The following OGA variants were observed in gnomAD, a reference collection of about 807,000 sequenced individuals.
OGA encodes O-GlcNAcase, also known as protein O-GlcNAcase.
A neutral mutation model predicts 102.0 loss-of-function variants in OGA; 21 were observed. That is an observed-to-expected ratio of 0.21 (90% CI 0.15 to 0.30). OGA has a LOEUF of 0.30. OGA is among the 10% of genes least tolerant of loss of function. The probability of loss-of-function intolerance (pLI) is 1.00; values close to 1 mark genes in which losing one functional copy is unlikely to be tolerated. For missense variants in OGA, 765 were observed against 1,107.8 expected, an observed-to-expected ratio of 0.69 and a Z score of 4.39; for synonymous variants, 408 against 378.2, an observed-to-expected ratio of 1.08 and a Z score of -0.91.
Position 101,785,230 on chromosome 10 carries a change from C to A in OGA, c.*1221G>T, listed in dbSNP as rs1164487432. 1 of 152,198 alleles carries A rather than the reference C, an allele frequency of 6.6e-6. No homozygotes were observed. Among genetic ancestry groups the A allele is most frequent in the African/African-American group, 2.4e-5 (1 of 41,440 alleles). 9.4% of individuals were successfully genotyped at this position (152,198 alleles called of 1,614,324 possible). ...GCTTCATGCTCAGAACCCTTAAAAACACAGAATCTAAATTAAAATACATGA... is the reference window on the plus strand; with the variant it reads ...GCTTCATGCTCAGAACCCTTAAAAAAACAGAATCTAAATTAAAATACATGA... On this transcript the variant is annotated 3_prime_UTR_variant, in exon 16 of 16. Coordinates refer to ENST00000361464, the MANE Select transcript of OGA (RefSeq NM_012215.5).
Position 101,798,105 on chromosome 10 carries a change from A to G in OGA, c.1859T>C (p.Leu620Pro). 1 of 1,614,150 alleles carries G rather than the reference A, an allele frequency of 6.2e-7. No individual in the cohort carries two copies. The part of the protein sequence containing the change: ...RAAKFEEMCG[L>P]VMGMFTRLSN... ...GAGCCGAGTGAACATTCCCATCACTAGTCCACACATCTCTTCAAACTTGGC... is the reference window on the plus strand; with the variant it reads ...GAGCCGAGTGAACATTCCCATCACTGGTCCACACATCTCTTCAAACTTGGC... Residue 620 changes from leucine to proline, a missense_variant, in exon 10 of 16, where the codon CTA (leucine) becomes CCA (proline). This residue lies in a region of OGA where 281 missense variants were observed against 345.8 expected (regional missense o/e 0.81). Transcript: ENST00000361464.
Position 101,793,947 on chromosome 10 carries a change from C to G in OGA, c.2036G>C (p.Trp679Ser). The change falls in exon 11 of 16, where the codon TGG becomes TCG. Residue 679 changes from tryptophan (W) to serine (S), a missense_variant. By Grantham distance (177) the Trp-to-Ser change is radical (BLOSUM62 -3). Around this residue, in one of 7 missense-constraint regions of OGA, gnomAD observed 10 missense variants for 47.8 expected, o/e 0.21. Transcript: ENST00000361464. ...TCCTGCTAGACCACCTCTAAAGGCC[C>G]AGGGTTCTTGGTCTCCAATTAAGAA... is the stretch of plus-strand genomic sequence containing the variant. Reference protein sequence around the residue: ...AQFLIGDQEPWAFRGGLAGEF... With the variant: ...AQFLIGDQEPSAFRGGLAGEF... 6.2e-7 allele frequency: 1 copy of G among 1,613,628 alleles called. No individual in the cohort carries two copies. Among genetic ancestry groups the G allele is most frequent in the Non-Finnish European group, 8.5e-7 (1 of 1,179,666 alleles).
chr10:101,810,351 A>C, intron 3 of OGA, 37 bp from the exon 4 acceptor site: 1 of 1,565,626 alleles, frequency 6.4e-7, no homozygotes, highest in South Asian at 1.2e-5. Context: ...AAAGCAGAAC[A>C]GAAAACTAAA....
chr10:101,810,572 C>T (rs2065541798), intron 3 of OGA, among the ~76,000 whole-genome samples: 1 of 152,218 alleles, frequency 6.6e-6, no homozygotes, highest in Admixed American at 6.5e-5. Flanking sequence ...AGAGGCCCTT[C>T]TTTTTCACTT....
At position 101,799,438 on chromosome 10, in the gene OGA, T is replaced by G; in HGVS notation, c.1213A>C (p.Ser405Arg). 1 of 1,610,466 alleles carries G rather than the reference T, an allele frequency of 6.2e-7. No homozygotes were observed. The highest frequency in any genetic ancestry group is 8.5e-7 in the Non-Finnish European group (1 of 1,178,138). The change falls in exon 9 of 16, where the codon AGT becomes CGT. Residue 405 changes from serine to arginine, a missense_variant. Ser to Arg is a moderately radical substitution (Grantham distance 110, BLOSUM62 -1). Coordinates refer to ENST00000361464, the MANE Select transcript of OGA (RefSeq NM_012215.5). ...HQYSSRQVAH[S>R]GAKASVVDGT... ...TCAACTACACTTGCTTTAGCTCCAC[T>G]GTGTGCAACTTGCCTACCTACAAAA...
At chr10:101,810,100 C>A in intron 4 of OGA, 84 bp downstream of exon 4, 1 of 1,259,766 alleles carries the variant, frequency 7.9e-7, no homozygotes, top group Non-Finnish European at 1.1e-6. Flanking sequence ...AATTTGATTT[C>A]CTTTTAACAT....
intron 8 of OGA, 47 bp from the exon 9 acceptor site, chr10:101,799,502 C>A (rs1564644256): frequency 2.0e-6 from 3 of 1,538,162 alleles, no homozygotes; most frequent in South Asian, 1.2e-5. Context: ...CACAGATAAT[C>A]AGAATTAGAG....
chr10:101,797,908 T>C, intron 10 of OGA, 72 bp downstream of exon 10: 5 of 1,454,392 alleles, frequency 3.4e-6, no homozygotes, highest in Non-Finnish European at 3.8e-6. Context: ...TAAATGTTTT[T>C]CTCCCTGTGG....
rs1027144661 is a variant in OGA, at chr10:101,799,242, T to C, written c.1409A>G (p.Glu470Gly). The change falls in exon 9 of 16, where the codon GAA becomes GGA. Residue 470 changes from glutamate to glycine, a missense_variant. Transcript: ENST00000361464. ...CTTGTGGTCCGTTTCTTCTTGTTTT[T>C]CCACCACCATGTCCATGGGTTCTTC... ...PDEEPMDMVV[E>G]KQEETDHKND... 3 of 1,614,116 alleles carry C rather than the reference T, an allele frequency of 1.9e-6. No homozygotes were observed. Among genetic ancestry groups the C allele is most frequent in the Non-Finnish European group, 2.5e-6 (3 of 1,180,050 alleles).
intron 11 of OGA, chr10:101,793,709 C>T (rs530728939): frequency 5.8e-4 from 286 of 495,732 alleles, no homozygotes; most frequent in Non-Finnish European, 9.7e-4. Flanking sequence ...GCTTCGCAGG[C>T]GCGGGGGGGA....
At chr10:101,790,745 A>G (rs1433182428) in intron 14 of OGA, 151 bp downstream of exon 14, 2 of 555,072 alleles carry the variant, frequency 3.6e-6, no homozygotes, top group East Asian at 7.0e-5. Context: ...AGCCATAAGA[A>G]TTCTTTCTGC....
intron 6 of OGA, among the ~76,000 whole-genome samples, chr10:101,804,418 G>A (rs1365085498): frequency 2.6e-5 from 4 of 151,556 alleles, no homozygotes; most frequent in East Asian, 3.9e-4. Context: ...GACTACAGGC[G>A]CCCTCCACCA....
intron 9 of OGA, among the ~76,000 whole-genome samples, chr10:101,798,528 C>T (rs1428005187): frequency 6.6e-6 from 1 of 151,852 alleles, no homozygotes; most frequent in Non-Finnish European, 1.5e-5. Context: ...ATTCTCCTGC[C>T]TCAGCCTCCT....
intron 7 of OGA, among the ~76,000 whole-genome samples, chr10:101,800,879 A>C (rs1389417577): frequency 6.6e-6 from 1 of 151,026 alleles, no homozygotes; most frequent in Non-Finnish European, 1.5e-5. Flanking sequence ...GGTTCAAGCA[A>C]TTCTCCCACC....
At chr10:101,810,112 G>T in intron 4 of OGA, 72 bp downstream of exon 4, 1 of 1,347,984 alleles carries the variant, frequency 7.4e-7, no homozygotes. Flanking sequence ...TTTTAACATC[G>T]TAAAAGCAAC....
At chr10:101,808,497 CAGATA>C (rs2065504882) in intron 4 of OGA, among the ~76,000 whole-genome samples, 1 of 152,172 alleles carries the variant, frequency 6.6e-6, no homozygotes, top group Non-Finnish European at 1.5e-5. Context: ...GATCCCTTTG[CAGATA>C]AACCTAACCA....
At position 101,807,797 on chromosome 10, in the gene OGA, T is replaced by C. The variant is rs146326281; in HGVS notation, c.585A>G (p.Gln195=). 277 of 1,612,232 alleles carry C rather than the reference T, an allele frequency of 1.7e-4. 1 individual carries two copies. The highest frequency in any genetic ancestry group is 2.7e-4 in the Admixed American group (16 of 59,666). Residue 195 remains glutamine, a synonymous_variant, in exon 5 of 16, where the codon CAA becomes CAG. Transcript: ENST00000361464. ...GATAGATTTCATTTGTGATGGAGAC[T>C]TGGGCATGAGCAAAAGAACTGAATA... is the stretch of plus-strand genomic sequence containing the variant. ...KEVFSSFAHA[Q]VSITNEIYQY... is the part of the protein sequence containing the mutation.
rs2065258281 is a variant in OGA at position 101,791,449 on chromosome 10, T to C, written c.2176-10A>G. 6.2e-7 allele frequency: 1 copy of C among 1,608,238 alleles called. No individual in the cohort carries two copies. Among genetic ancestry groups the C allele is most frequent in the Non-Finnish European group, 8.5e-7 (1 of 1,174,926 alleles). Reference sequence around the variant, plus strand: ...TCTTGTACACGGATGCCTGAAAATATAATCTAGTTAAGCAACACATCAAGA... The same window carrying C: ...TCTTGTACACGGATGCCTGAAAATACAATCTAGTTAAGCAACACATCAAGA... On this transcript the variant is annotated splice_polypyrimidine_tract_variant and intron_variant, in intron 12 of 15. Transcript: ENST00000361464.
intron 5 of OGA, 54 bp downstream of exon 5, chr10:101,807,676 T>G: frequency 4.8e-6 from 6 of 1,247,098 alleles, no homozygotes; most frequent in Non-Finnish European, 6.4e-6. Flanking sequence ...TGGTCCTTTA[T>G]AAGTTATATA....
Sources: gnomAD v4.1 joint callset for allele counts (sites outside exome capture counted in the v4.1 genomes callset) on GRCh38, gnomAD v4.1.1 for gene constraint, gnomAD v4.1.1 regional missense constraint, MANE v1.5 for transcripts, NCBI Gene and HGNC (gene_info 2026-07-23, HGNC 2026-07-21) for gene names.